NRXN1: variants seen among roughly 807,000 people sequenced by gnomAD.
The protein encoded by NRXN1 is neurexin-1.
NRXN1 carries 39 observed loss-of-function variants against 150.9 expected under a neutral mutation model. The observed-to-expected ratio is 0.26, with a 90% CI of 0.20 to 0.34. The LOEUF (loss-of-function observed/expected upper bound fraction) is 0.34, where lower values mean the gene tolerates loss of function less well. NRXN1 is among the 10% of genes least tolerant of loss of function. The pLI, the probability that NRXN1 is intolerant of heterozygous loss-of-function variation, is 1.00. For synonymous variants in NRXN1, 924 were observed against 757.0 expected, an observed-to-expected ratio of 1.22 and a Z score of -3.62; for missense variants, 1,815 against 1,949.9, an observed-to-expected ratio of 0.93 and a Z score of 1.30.
intron 5 of NRXN1, among the ~76,000 whole-genome samples, chr2:50,681,224 G>A (rs1424110980): frequency 1.3e-5 from 2 of 152,282 alleles, no homozygotes; most frequent in East Asian, 3.9e-4. Context: ...CATCAACAGG[G>A]AAAAATGTGC....
At chr2:49,936,350 C>A (rs1482081522) in intron 22 of NRXN1, among the ~76,000 whole-genome samples, 1 of 152,076 alleles carries the variant, frequency 6.6e-6, no homozygotes, top group Non-Finnish European at 1.5e-5. Context: ...CACTACAAGG[C>A]AGAATAATGC....
At position 51,000,603 on chromosome 2, in the gene NRXN1, A is replaced by G. The variant is rs566012465; in HGVS notation, c.772+26899T>C. Among the ~76,000 whole-genome samples the G allele has an allele frequency of 4.6e-5, 7 of 152,136 alleles. No homozygotes were observed. The South Asian group carries it at 1.4e-3, about 32-fold the overall frequency. On this transcript the variant is annotated intron_variant, in intron 2 of 22. Coordinates refer to ENST00000401669, the MANE Select transcript of NRXN1 (RefSeq NM_001330078.2). Reference sequence around the variant, plus strand: ...TGGAAAGAGATAAAATAATTTAGGAAACAGGGCTCATGATTGAGGATTAGA... The same window carrying G: ...TGGAAAGAGATAAAATAATTTAGGAGACAGGGCTCATGATTGAGGATTAGA...
At chr2:50,811,953 T>A (rs1380750835) in intron 5 of NRXN1, among the ~76,000 whole-genome samples, 1 of 152,168 alleles carries the variant, frequency 6.6e-6, no homozygotes, top group Non-Finnish European at 1.5e-5. Flanking sequence ...TCTAAAATCA[T>A]TAAGCAATTC....
chr2:50,392,457 T>A (rs551449895), intron 17 of NRXN1, among the ~76,000 whole-genome samples: 1 of 152,284 alleles, frequency 6.6e-6, no homozygotes, highest in East Asian at 1.9e-4. Flanking sequence ...GAAATGTCAA[T>A]GCATTTAAGT....
intron 8 of NRXN1, among the ~76,000 whole-genome samples, chr2:50,564,305 C>T (rs1669536751): frequency 1.3e-5 from 2 of 152,070 alleles, no homozygotes; most frequent in Admixed American, 1.3e-4. Context: ...TGTGTAAGGT[C>T]TTAAGGGTTA....
intron 17 of NRXN1, among the ~76,000 whole-genome samples, chr2:50,329,742 C>T (rs1199170339): frequency 7.0e-6 from 1 of 143,772 alleles, no homozygotes; most frequent in East Asian, 2.1e-4. Context: ...GGAGCAACCT[C>T]GGCTCACTGC....
chr2:50,347,862 T>A lies in NRXN1; in HGVS notation c.3365-110892A>T, dbSNP rs2078156788. On this transcript the variant is annotated intron_variant, in intron 17 of 22. Transcript: ENST00000401669. The surrounding 1 kb of genome is among the most constrained non-coding windows in gnomAD (Gnocchi z 4.9). ...GGATGCAATGCAGAGGACGAGCCTA[T>A]GTAACGAGGGAGGCTGGTCTAGCTT... 1 of 985,078 alleles carries A rather than the reference T, an allele frequency of 1.0e-6. No individual in the cohort carries two copies. Among genetic ancestry groups the A allele is most frequent in the East Asian group, 1.1e-4 (1 of 8,812 alleles). The allele number at this position is 985,078 out of a possible 1,614,324, so 61.0% of individuals were successfully genotyped here. A position where few individuals can be genotyped will look rare whatever the true frequency, so the allele number is the denominator to read the frequency against.
rs1290260829 is a variant in NRXN1, at chr2:50,878,748, T to A, written c.832+43121A>T. Among the ~76,000 whole-genome samples, 5 of 151,944 alleles carry A rather than the reference T, an allele frequency of 3.3e-5. No individual in the cohort carries two copies. In the South Asian group the frequency reaches 1.0e-3, roughly 31 times the overall value. On this transcript the variant is annotated intron_variant, in intron 5 of 22. Transcript: ENST00000401669. ...CCACAGAACCTTTCATCAGATGTAT[T>A]TGGGGAAAAAGCTTATAATTTAAAA...
At chr2:51,017,227 C>T (rs1353817697) in intron 2 of NRXN1, among the ~76,000 whole-genome samples, 3 of 151,738 alleles carry the variant, frequency 2.0e-5, no homozygotes, top group Non-Finnish European at 4.4e-5. Context: ...GTGCTCTGCC[C>T]GTGTATCCCG....
intron 17 of NRXN1, among the ~76,000 whole-genome samples, chr2:50,259,579 C>T (rs936766900): frequency 6.6e-6 from 1 of 151,846 alleles, no homozygotes; most frequent in African/African-American, 2.4e-5. Context: ...ACTCTGCCCT[C>T]TTTTGTAGAT....
chr2:50,233,215 C>T (rs1416164727), intron 18 of NRXN1, among the ~76,000 whole-genome samples: 1 of 151,846 alleles, frequency 6.6e-6, no homozygotes, highest in Non-Finnish European at 1.5e-5. Flanking sequence ...CATGTCTTAC[C>T]TTCTCCTCAC....
At chr2:50,380,655 G>A (rs2080889536) in intron 17 of NRXN1, among the ~76,000 whole-genome samples, 1 of 152,034 alleles carries the variant, frequency 6.6e-6, no homozygotes, top group African/African-American at 2.4e-5. Flanking sequence ...AAAGAAGACA[G>A]CACGTGCCCA....
At chr2:51,030,461 TGAGAGCCACCAAG>T (rs1323654648) in intron 1 of NRXN1, among the ~76,000 whole-genome samples, 1 of 151,872 alleles carries the variant, frequency 6.6e-6, no homozygotes, top group Non-Finnish European at 1.5e-5. Context: ...AGGTGTCAGC[TGAGAGCCACCAAG>T]CTAGGGTATC....
intron 21 of NRXN1, among the ~76,000 whole-genome samples, chr2:50,014,781 C>T (rs947373113): frequency 3.3e-5 from 5 of 152,056 alleles, no homozygotes; most frequent in African/African-American, 1.2e-4. Flanking sequence ...GATTTGTAAC[C>T]ACTATTGTCT....
intron 18 of NRXN1, 129 bp downstream of exon 18, chr2:50,236,660 T>C (rs1574656769): frequency 2.5e-6 from 2 of 795,114 alleles, no homozygotes; most frequent in African/African-American, 3.4e-5. Flanking sequence ...CTCTAGATTG[T>C]ATTCATATTT....
chr2:50,950,625 TA>T (rs1691164966), intron 2 of NRXN1, among the ~76,000 whole-genome samples: 1 of 152,228 alleles, frequency 6.6e-6, no homozygotes, highest in Non-Finnish European at 1.5e-5. Flanking sequence ...TCCCTGGCAC[TA>T]AATGCTACTA....
At chr2:50,415,963 A>T (rs1280098126) in intron 17 of NRXN1, among the ~76,000 whole-genome samples, 1 of 151,742 alleles carries the variant, frequency 6.6e-6, no homozygotes, top group East Asian at 1.9e-4. Flanking sequence ...TACAAAAAAA[A>T]AAAAAAAAAA....
intron 17 of NRXN1, among the ~76,000 whole-genome samples, chr2:50,450,098 A>G (rs1228115131): frequency 6.6e-6 from 1 of 152,144 alleles, no homozygotes; most frequent in African/African-American, 2.4e-5. Flanking sequence ...ACCTATTGTT[A>G]TAGAAGGTGC....
intron 18 of NRXN1, among the ~76,000 whole-genome samples, chr2:50,113,125 C>A (rs1289711057): frequency 1.3e-5 from 2 of 152,176 alleles, no homozygotes; most frequent in African/African-American, 4.8e-5. Context: ...GAAGGTATGG[C>A]ATTTTTGCAA....
Sources: allele counts gnomAD v4.1 joint callset (sites outside exome capture counted in the v4.1 genomes callset), GRCh38; gene constraint gnomAD v4.1.1; non-coding constraint Gnocchi (gnomAD v3.1); transcripts MANE v1.5; gene names NCBI Gene and HGNC (gene_info 2026-07-23, HGNC 2026-07-21).